The following LRBA variants were observed in gnomAD, a reference collection of about 807,000 sequenced individuals.
LRBA encodes the protein lipopolysaccharide-responsive and beige-like anchor protein.
Under a neutral mutation model 330.0 loss-of-function variants are expected in LRBA, and 176 were observed. The ratio of observed to expected loss-of-function variants is 0.53; its 90% CI spans 0.47 to 0.60. The LOEUF (loss-of-function observed/expected upper bound fraction) is 0.60. LRBA is among the 20% of genes least tolerant of loss of function. LRBA has a pLI of 0.00. For synonymous variants in LRBA, 1,230 were observed against 1,193.0 expected (o/e 1.03, Z -0.64); for missense variants, 3,259 against 3,444.8 (o/e 0.95, Z 1.35).
Position 151,014,848 on chromosome 4 carries a change from A to G in LRBA, c.-206T>C. ...TCCAATCTCTCTCCCCGAGGCTGAC[A>G]ACAACGCCAAACCCTATTGGAAGAT... is the stretch of plus-strand genomic sequence containing the variant. On this transcript the variant is annotated 5_prime_UTR_variant, in exon 2 of 57. Coordinates refer to ENST00000651943, the MANE Select transcript of LRBA (RefSeq NM_001364905.1). 1 of 555,920 alleles carries G rather than the reference A, an allele frequency of 1.8e-6. No individual in the cohort carries two copies. Among genetic ancestry groups the G allele is most frequent in the South Asian group, 2.8e-5 (1 of 36,330 alleles). 34.4% of individuals were successfully genotyped at this position (555,920 alleles called of 1,614,324 possible). A position where few individuals can be genotyped will look rare whatever the true frequency, so the allele number is the denominator to read the frequency against.
At chr4:150,544,429 T>G (rs942219666) in intron 40 of LRBA, among the ~76,000 whole-genome samples, 1 of 152,124 alleles carries the variant, frequency 6.6e-6, no homozygotes, top group Non-Finnish European at 1.5e-5. Context: ...ACAAACTATC[T>G]CTTTAAACTG....
At chr4:150,279,701 T>C (rs565378114) in intron 55 of LRBA, among the ~76,000 whole-genome samples, 5 of 152,268 alleles carry the variant, frequency 3.3e-5, no homozygotes, top group South Asian at 4.1e-4. Context: ...TAAAAACCCA[T>C]GTGTGGAAGA....
chr4:150,980,704 G>A (rs780275598), intron 2 of LRBA, among the ~76,000 whole-genome samples: 2 of 152,086 alleles, frequency 1.3e-5, no homozygotes, highest in African/African-American at 4.8e-5. Flanking sequence ...AATTTCCCTT[G>A]TTTGCATATG....
intron 40 of LRBA, chr4:150,584,077 C>T (rs1008507357): frequency 3.9e-6 from 6 of 1,556,986 alleles, no homozygotes; most frequent in Middle Eastern, 3.5e-4. Flanking sequence ...CAGGGAAATT[C>T]TCACCAATCC....
At chr4:150,683,166 T>C (rs1025078818) in intron 37 of LRBA, among the ~76,000 whole-genome samples, 24 of 152,156 alleles carry the variant, frequency 1.6e-4, no homozygotes, top group African/African-American at 5.5e-4. Flanking sequence ...AAAAAGAGCA[T>C]AGTTTTTTAA....
intron 47 of LRBA, among the ~76,000 whole-genome samples, chr4:150,382,580 G>A (rs1218699161): frequency 6.6e-6 from 1 of 150,660 alleles, no homozygotes; most frequent in Non-Finnish European, 1.5e-5. Flanking sequence ...CTGAGACTGT[G>A]CCACTGCACT....
chr4:150,727,067 GTTTTTTTTTTT>G (rs34671398), intron 36 of LRBA, among the ~76,000 whole-genome samples: 4 of 79,500 alleles, frequency 5.0e-5, no homozygotes, highest in African/African-American at 2.1e-4. Context: ...ACATTTCGTT[GTTTTTTTTTTT>G]TTTTTTTTTT....
chr4:150,278,141 T>C (rs1747047219), intron 55 of LRBA, 137 bp from the exon 56 acceptor site: 2 of 697,724 alleles, frequency 2.9e-6, no homozygotes, highest in Non-Finnish European at 4.6e-6. Context: ...TTTTAGAAAA[T>C]CGTGAGTTGT....
intron 31 of LRBA, among the ~76,000 whole-genome samples, chr4:150,814,659 G>A (rs1356104787): frequency 6.6e-6 from 1 of 150,482 alleles, no homozygotes; most frequent in African/African-American, 2.4e-5. Flanking sequence ...GGCTAAGGAG[G>A]GGAAAAAAGT....
At position 150,897,899 on chromosome 4, in the gene LRBA, A is replaced by G. The variant is rs191462957; in HGVS notation, c.1925-81T>C. The G allele has an allele frequency of 3.2e-3, 2,936 of 907,286 alleles. 8 individuals are homozygous for G. The highest frequency in any genetic ancestry group is 4.1e-3 in the Non-Finnish European group (2,336 of 563,650). The allele number at this position is 907,286 out of a possible 1,614,324, so 56.2% of individuals were successfully genotyped here. On this transcript the variant is annotated intron_variant, in intron 14 of 56. Transcript: ENST00000651943. The stretch of plus-strand genomic sequence containing the variant: ...AAAGTATAAAATTCTCATTCCCAAC[A>G]GCTTTTCCATGTGTTTGTAAGAAAT...
intron 35 of LRBA, among the ~76,000 whole-genome samples, chr4:150,754,577 T>C (rs541640874): frequency 7.1e-6 from 1 of 140,368 alleles, no homozygotes; most frequent in East Asian, 2.3e-4. Flanking sequence ...GCTCAATTAA[T>C]CCACTGTTGA....
intron 48 of LRBA, among the ~76,000 whole-genome samples, chr4:150,347,661 AC>A (rs1182388957): frequency 6.7e-6 from 1 of 149,256 alleles, no homozygotes; most frequent in African/African-American, 2.4e-5. Context: ...AAAAAAAAAA[AC>A]AAAGGTAAAA....
At chr4:150,999,256 C>CA (rs112965646) in intron 2 of LRBA, among the ~76,000 whole-genome samples, 21 of 149,144 alleles carry the variant, frequency 1.4e-4, no homozygotes, top group South Asian at 6.4e-4. Flanking sequence ...TAGAAACAAA[C>CA]AAAAAAAAAG....
chr4:150,699,900 G>C (rs1415107198), intron 36 of LRBA, among the ~76,000 whole-genome samples: 1 of 152,042 alleles, frequency 6.6e-6, no homozygotes, highest in Non-Finnish European at 1.5e-5. Flanking sequence ...CTTGTCAGTT[G>C]GTTATACTGG....
chr4:150,608,394 TA>T (rs1430065717), intron 37 of LRBA, among the ~76,000 whole-genome samples: 4 of 152,002 alleles, frequency 2.6e-5, no homozygotes, highest in African/African-American at 9.7e-5. Flanking sequence ...AAAGGATCAG[TA>T]AAAGAAACAG....
intron 28 of LRBA, chr4:150,840,940 AAGAT>A (rs1442979268): frequency 8.8e-7 from 1 of 1,136,166 alleles, no homozygotes; most frequent in Non-Finnish European, 1.1e-6. Context: ...AGAAAAATAG[AAGAT>A]AGGCTCAATT....
At chr4:150,986,069 T>C (rs1304356983) in intron 2 of LRBA, among the ~76,000 whole-genome samples, 1 of 152,140 alleles carries the variant, frequency 6.6e-6, no homozygotes, top group Non-Finnish European at 1.5e-5. Context: ...TTTTTTACAG[T>C]CACACAGGCA....
At chr4:150,691,323 T>C (rs1784121798) in intron 36 of LRBA, among the ~76,000 whole-genome samples, 1 of 152,140 alleles carries the variant, frequency 6.6e-6, no homozygotes, top group African/African-American at 2.4e-5. Flanking sequence ...GACAAATGAA[T>C]TCTTTACAGA....
intron 36 of LRBA, among the ~76,000 whole-genome samples, chr4:150,725,137 GA>G (rs1269151859): frequency 6.6e-6 from 1 of 151,878 alleles, no homozygotes; most frequent in Non-Finnish European, 1.5e-5. Context: ...GCAAATCTAA[GA>G]GTTAATAGCT....
Sources: gnomAD v4.1 joint callset for allele counts (sites outside exome capture counted in the v4.1 genomes callset) on GRCh38, gnomAD v4.1.1 for gene constraint, MANE v1.5 for transcripts, NCBI Gene and HGNC (gene_info 2026-07-23, HGNC 2026-07-21) for gene names.